CIZ1: variants seen among roughly 807,000 people sequenced by gnomAD.
CIZ1 encodes the protein cip1-interacting zinc finger protein.
CIZ1 carries 58 observed loss-of-function variants against 118.6 expected under a neutral mutation model. The observed-to-expected ratio is 0.49, with a 90% confidence interval of 0.40 to 0.61. CIZ1 has a LOEUF of 0.61. CIZ1 is among the 20% of genes least tolerant of loss of function. CIZ1 has a pLI of 0.00. For missense variants in CIZ1, 921 were observed against 1,115.9 expected, an observed-to-expected ratio of 0.83 and a Z score of 2.49; for synonymous variants, 448 against 443.4, an observed-to-expected ratio of 1.01 and a Z score of -0.13.
chr9:128,178,949 G>A lies in CIZ1; in HGVS notation c.1258C>T (p.Gln420Ter). 2 of 1,613,696 alleles carry A rather than the reference G, an allele frequency of 1.2e-6. No homozygotes were observed. The highest frequency in any genetic ancestry group is 1.7e-6 in the Non-Finnish European group (2 of 1,179,980). The change falls in exon 8 of 17, where the codon CAG becomes TAG. Residue 420 changes from glutamine (Q) to a stop codon, truncating the protein, a stop_gained. Transcript: ENST00000372938. LOFTEE classifies it high-confidence loss of function. ...QAHSQPPRQV[Q>*]LQLQKQVQTQ... ...TGGACCTGCTTCTGCAGCTGCAGCTGCACCTGCCTTGGGGGCTGTGAATGT... is the reference window on the plus strand; with the variant it reads ...TGGACCTGCTTCTGCAGCTGCAGCTACACCTGCCTTGGGGGCTGTGAATGT...
Position 128,203,395 on chromosome 9 carries a change from T to A in CIZ1, c.-6+791A>T. 7.6e-7 allele frequency: 1 copy of A among 1,309,812 alleles called. No individual in the cohort carries two copies. The allele number at this position is 1,309,812 out of a possible 1,614,324, so 81.1% of individuals were successfully genotyped here. On this transcript the variant is annotated intron_variant, in intron 1 of 17. Coordinates refer to the CIZ1 transcript ENST00000372948. The surrounding 1 kb of genome is among the most constrained non-coding windows in gnomAD (Gnocchi z 5.3). ...GGCGCAGGCAGTCTGGGCGCGCGGCTGCAGCGGCGGAGCCGGAGTCGGAGC... is the reference window on the plus strand; with the variant it reads ...GGCGCAGGCAGTCTGGGCGCGCGGCAGCAGCGGCGGAGCCGGAGTCGGAGC...
rs973867354 is a variant in CIZ1 at position 128,201,988 on chromosome 9, T to G, written c.-6+2198A>C. The stretch of plus-strand genomic sequence containing the variant: ...CCACCCTACCCCGCCCCTGCTTTCT[T>G]GCTCTGCAGGGCACGCCATCTAACA... On this transcript the variant is annotated intron_variant, in intron 1 of 17. Coordinates refer to the CIZ1 transcript ENST00000372948. Among the ~76,000 whole-genome samples the G allele has an allele frequency of 5.3e-5, 8 of 152,340 alleles. No individual in the cohort carries two copies. In the East Asian group the frequency reaches 1.5e-3, roughly 29 times the overall value.
At position 128,166,189 on chromosome 9, in the gene CIZ1, TC is replaced by T; in HGVS notation, c.*7del. On this transcript the variant is annotated 3_prime_UTR_variant, in exon 17 of 17. Coordinates refer to ENST00000372938, the MANE Select transcript of CIZ1 (RefSeq NM_001131016.2). This position sits in a 1 kb window ranked among gnomAD's most constrained non-coding sequence, Gnocchi z 4.4. ...CCCAGGCAGGCCAGGGACAGGGAGG[TC>T]CCTCTATCAGGTTTTGAGGCGGGTT... The T allele has an allele frequency of 6.9e-7, 1 of 1,459,370 alleles. No homozygotes were observed. Among genetic ancestry groups the T allele is most frequent in the Non-Finnish European group, 9.1e-7 (1 of 1,098,688 alleles). The allele number at this position is 1,459,370 out of a possible 1,614,324, so 90.4% of individuals were successfully genotyped here. A position where few individuals can be genotyped will look rare whatever the true frequency, so the allele number is the denominator to read the frequency against.
At chr9:128,167,883 G>A (rs567380927) in intron 14 of CIZ1, among the ~76,000 whole-genome samples, 1 of 152,316 alleles carries the variant, frequency 6.6e-6, no homozygotes, top group South Asian at 2.1e-4. Context: ...GGGCTTCCCT[G>A]ATAGTCCAAG....
rs1758255694 is a variant in CIZ1 at position 128,177,677 on chromosome 9, G to A, written c.1707C>T (p.Val569=). The A allele has an allele frequency of 2.5e-6, 4 of 1,603,902 alleles. No individual in the cohort carries two copies. The highest frequency in any genetic ancestry group is 1.3e-5 in the African/African-American group (1 of 74,762). The change falls in exon 10 of 17, where the codon GTC becomes GTT. Residue 569 remains valine (V), a synonymous_variant. Transcript: ENST00000372938. ...AGGAGACGGAGTCACTGGGGCGGGG[G>A]ACAGGTGTCAGGGGTACAGTGCTAA... is the stretch of plus-strand genomic sequence containing the variant. ...RAFSTVPLTP[V]PRPSDSVSST... is the part of the protein sequence containing the mutation.
rs758593299 is a variant in CIZ1, at chr9:128,166,727, C to G, written c.2487+32G>C. ...CTTGGATTAAGACTAAGTCTGTGGCCAGGGGAGGACAGGGCAGGATGTCCG... is the reference window on the plus strand; with the variant it reads ...CTTGGATTAAGACTAAGTCTGTGGCGAGGGGAGGACAGGGCAGGATGTCCG... On this transcript the variant is annotated intron_variant, in intron 16 of 16. Coordinates refer to ENST00000372938, the MANE Select transcript of CIZ1 (RefSeq NM_001131016.2). This position sits in a 1 kb window ranked among gnomAD's most constrained non-coding sequence, Gnocchi z 4.4. 1 of 1,613,982 alleles carries G rather than the reference C, an allele frequency of 6.2e-7. No homozygotes were observed. The highest frequency in any genetic ancestry group is 1.7e-5 in the Admixed American group (1 of 60,006).
chr9:128,185,767 C>A lies in CIZ1; in HGVS notation c.368G>T (p.Arg123Leu). ...GCCTGGGGATGCCATGCCATAGCCT[C>A]GGAGGTTACCTGCAGGCAAGAAGAC... ...TMPTATLGNL[R>L]GYGMASPGLA... The change falls in exon 5 of 17, where the codon CGA becomes CTA. Residue 123 changes from arginine to leucine, a missense_variant. Coordinates refer to ENST00000372938, the MANE Select transcript of CIZ1 (RefSeq NM_001131016.2). 1 of 1,612,890 alleles carries A rather than the reference C, an allele frequency of 6.2e-7. No homozygotes were observed. Among genetic ancestry groups the A allele is most frequent in the East Asian group, 2.2e-5 (1 of 44,872 alleles).
chr9:128,179,560 G>A, intron 7 of CIZ1, 145 bp from the exon 8 acceptor site: 1 of 696,374 alleles, frequency 1.4e-6, no homozygotes. Context: ...ATCATTTGAG[G>A]TCAGGAGTTC....
chr9:128,171,571 CA>C (rs11327796), intron 11 of CIZ1, among the ~76,000 whole-genome samples: 14,038 of 111,812 alleles, frequency 0.13, 2,121 homozygotes, highest in African/African-American at 0.38. Context: ...ACTAAGAATA[CA>C]AAAAAAAAAA....
intron 11 of CIZ1, among the ~76,000 whole-genome samples, chr9:128,171,912 T>C (rs1353687480): frequency 6.6e-6 from 1 of 151,648 alleles, no homozygotes; most frequent in African/African-American, 2.4e-5. Flanking sequence ...TGTTGAAAGA[T>C]ATAAGAAAAT....
chr9:128,186,571 A>G (rs1051993624), intron 4 of CIZ1, among the ~76,000 whole-genome samples: 1 of 152,170 alleles, frequency 6.6e-6, no homozygotes, highest in Non-Finnish European at 1.5e-5. Context: ...GATCTTTCGC[A>G]AACCATATTC....
chr9:128,191,966 G>C, upstream of CIZ1: 1 of 1,368,036 alleles, frequency 7.3e-7, no homozygotes, highest in South Asian at 1.6e-5. The surrounding 1 kb of genome is among the most constrained non-coding windows in gnomAD (Gnocchi z 5.5). Context: ...GGCCAGGCGA[G>C]AGGGCGGCCA....
intron 3 of CIZ1, 132 bp from the exon 4 acceptor site, chr9:128,188,066 C>CAAAAAAAAAAAAAAAAAAAAAAAAAA (rs1832634108): frequency 7.9e-6 from 1 of 126,910 alleles, no homozygotes; most frequent in African/African-American, 6.2e-5. Flanking sequence ...AAAAAAAAAA[C>CAAAAAAAAAAAAAAAAAAAAAAAAAA]CCAAAACAAA....
chr9:128,179,250 C>T lies in CIZ1; in HGVS notation c.957G>A (p.Gln319=). The T allele has an allele frequency of 6.2e-7, 1 of 1,614,188 alleles. No homozygotes were observed. The highest frequency in any genetic ancestry group is 8.5e-7 in the Non-Finnish European group (1 of 1,180,038). ...PRFQPRVLQV[Q]AQVQSQTQPR... is the part of the protein sequence containing the mutation. ...GCTGAGTCTGTGACTGCACCTGGGC[C>T]TGGACCTGCAGGACCCGTGGCTGGA... Residue 319 remains glutamine, a synonymous_variant, in exon 8 of 17, where the codon CAG becomes CAA. Coordinates refer to ENST00000372938, the MANE Select transcript of CIZ1 (RefSeq NM_001131016.2).
chr9:128,190,540 G>A, intron 2 of CIZ1, 96 bp from the exon 3 acceptor site: 1 of 1,330,426 alleles, frequency 7.5e-7, no homozygotes, highest in Non-Finnish European at 1.0e-6. Context: ...CCCACTCTGT[G>A]GTAGACAGAG....
At chr9:128,199,366 C>CAA (rs879818353) in intron 1 of CIZ1, among the ~76,000 whole-genome samples, 4 of 143,588 alleles carry the variant, frequency 2.8e-5, no homozygotes, top group African/African-American at 1.0e-4. Context: ...GACTCTGTCT[C>CAA]AAAAAAAAAA....
Position 128,199,096 on chromosome 9 carries a change from G to A in CIZ1, c.-6+5090C>T, listed in dbSNP as rs902176918. 5.3e-5 allele frequency among the ~76,000 whole-genome samples: 8 copies of A among 152,078 alleles called. No individual in the cohort carries two copies. The South Asian group carries it at 6.2e-4, about 12-fold the overall frequency. Reference sequence around the variant, plus strand: ...TAAAACTTCTTTCTCGGCTGGGCACGGTGGCTCACGCCTGTAATCCCAGCA... The same window carrying A: ...TAAAACTTCTTTCTCGGCTGGGCACAGTGGCTCACGCCTGTAATCCCAGCA... On this transcript the variant is annotated intron_variant, in intron 1 of 17. Coordinates refer to the CIZ1 transcript ENST00000372948.
intron 11 of CIZ1, among the ~76,000 whole-genome samples, chr9:128,173,063 C>T (rs889345387): frequency 7.3e-5 from 11 of 151,268 alleles, no homozygotes; most frequent in East Asian, 5.8e-4. Context: ...CTCCTGGGCT[C>T]GAGCAATCCT....
chr9:128,196,547 CAA>C (rs961649187), upstream of CIZ1, among the ~76,000 whole-genome samples: 20 of 96,878 alleles, frequency 2.1e-4, no homozygotes, highest in South Asian at 3.3e-4. Context: ...GACCCTGTCT[CAA>C]AAAAAAAAAA....
Sources: allele counts gnomAD v4.1 joint callset (sites outside exome capture counted in the v4.1 genomes callset), GRCh38; gene constraint gnomAD v4.1.1; non-coding constraint Gnocchi (gnomAD v3.1); transcripts MANE v1.5; gene names NCBI Gene and HGNC (gene_info 2026-07-23, HGNC 2026-07-21).